Variants in ACIN1 observed in about 807,000 individuals in gnomAD.
ACIN1 encodes apoptotic chromatin condensation inducer 1.
ACIN1 carries 16 observed loss-of-function variants against 146.6 expected under a neutral mutation model. The ratio of observed to expected loss-of-function variants is 0.11; its 90% CI spans 0.07 to 0.17. The LOEUF (loss-of-function observed/expected upper bound fraction) is 0.17. ACIN1 is among the 10% of genes least tolerant of loss of function. The probability of loss-of-function intolerance (pLI) is 1.00; values close to 1 mark genes in which losing one functional copy is unlikely to be tolerated. For missense variants in ACIN1, 1,357 were observed against 1,609.3 expected (o/e 0.84, Z 2.68); for synonymous variants, 569 against 582.7 (o/e 0.98, Z 0.34).
rs551704276 is a variant in ACIN1, at chr14:23,095,126, C to T, written c.-14G>A. ...CAGCTCCGCCATCTTGCGTGAGGTACTCGGGTCCGTCCCGACGGCTTCGGG... is the reference window on the plus strand; with the variant it reads ...CAGCTCCGCCATCTTGCGTGAGGTATTCGGGTCCGTCCCGACGGCTTCGGG... On this transcript the variant is annotated 5_prime_UTR_variant, in exon 1 of 19. Transcript: ENST00000605057. 10 of 1,614,166 alleles carry T rather than the reference C, an allele frequency of 6.2e-6. No homozygotes were observed. In the African/African-American group the frequency reaches 8.0e-5, roughly 13 times the overall value.
Position 23,068,526 on chromosome 14 carries a change from C to G in ACIN1, c.2265+950G>C. ...ATCACAGGAGCCCATATACATGCCC[C>G]CCTCTGGCCAAGACACCTGGATAGC... On this transcript the variant is annotated intron_variant, in intron 9 of 18. Transcript: ENST00000605057. The surrounding 1 kb of genome is among the most constrained non-coding windows in gnomAD (Gnocchi z 4.3). 1.0e-6 allele frequency: 1 copy of G among 985,926 alleles called. No individual in the cohort carries two copies. The highest frequency in any genetic ancestry group is 1.2e-6 in the Non-Finnish European group (1 of 829,966). The allele number at this position is 985,926 out of a possible 1,614,324, so 61.1% of individuals were successfully genotyped here.
In ACIN1 at chr14:23,059,302, C is replaced by G; in HGVS notation, c.3698G>C (p.Arg1233Thr). The G allele has an allele frequency of 1.9e-6, 3 of 1,601,578 alleles. No homozygotes were observed. ...CCTGTCCCGCTCCCTTTCTCTCTCT[C>G]TCTCCCTGTCCCTCTCCCGACTGTG... ...REHSRERDRE[R>T]ERERERDRGD... is the part of the protein sequence containing the mutation. Residue 1233 changes from arginine to threonine, a missense_variant, in exon 19 of 19, where the codon AGA (arginine) becomes ACA (threonine). Around this residue, in one of 4 missense-constraint regions of ACIN1, gnomAD observed 509 missense variants for 719.6 expected, o/e 0.71. Transcript: ENST00000605057.
intron 8 of ACIN1, 106 bp from the exon 9 acceptor site, chr14:23,069,723 CTT>C: frequency 9.2e-7 from 1 of 1,084,390 alleles, no homozygotes; most frequent in South Asian, 1.6e-5. Context: ...TGCCTCATCA[CTT>C]GGGTGGGATT....
rs2047529036 is a variant in ACIN1 at position 23,068,585 on chromosome 14, C to T, written c.2265+891G>A. The T allele has an allele frequency of 2.5e-5, 25 of 985,782 alleles. No homozygotes were observed. Among genetic ancestry groups the T allele is most frequent in the Non-Finnish European group, 2.7e-5 (22 of 829,984 alleles). The allele number at this position is 985,782 out of a possible 1,614,324, so 61.1% of individuals were successfully genotyped here. A position where few individuals can be genotyped will look rare whatever the true frequency, so the allele number is the denominator to read the frequency against. On this transcript the variant is annotated intron_variant, in intron 9 of 18. Transcript: ENST00000605057. This position sits in a 1 kb window ranked among gnomAD's most constrained non-coding sequence, Gnocchi z 4.3. ...CTCTGATTGGGCAGCTCAGTAGCAG[C>T]GGGTGGGTCCAGAGGAAGAGGCGGC...
At position 23,064,482 on chromosome 14, in the gene ACIN1, G is replaced by A. The variant is rs2047386771; in HGVS notation, c.2315C>T (p.Thr772Ile). 2.5e-6 allele frequency: 4 copies of A among 1,614,016 alleles called. No homozygotes were observed. Among genetic ancestry groups the A allele is most frequent in the Non-Finnish European group, 2.5e-6 (3 of 1,180,004 alleles). ...ACTGTTTCCAGCTGGCACCCCCTTGGTAGCTGCTGTCCCCAAGAAATAGAC... is the reference window on the plus strand; with the variant it reads ...ACTGTTTCCAGCTGGCACCCCCTTGATAGCTGCTGTCCCCAAGAAATAGAC... ...FKRKISVVSATKGVPAGNSDT... is the reference protein window; with the variant it reads ...FKRKISVVSAIKGVPAGNSDT... Residue 772 changes from threonine (T) to isoleucine (I), a missense_variant, in exon 11 of 19, where the codon ACC becomes ATC. Around this residue, in one of 4 missense-constraint regions of ACIN1, gnomAD observed 509 missense variants for 719.6 expected, o/e 0.71. Coordinates refer to ENST00000605057, the MANE Select transcript of ACIN1 (RefSeq NM_001386863.1).
rs916783364 is a variant in ACIN1 at position 23,061,434 on chromosome 14, C to T, written c.3288G>A (p.Glu1096=). 4 of 1,613,762 alleles carry T rather than the reference C, an allele frequency of 2.5e-6. No individual in the cohort carries two copies. The highest frequency in any genetic ancestry group is 1.3e-5 in the African/African-American group (1 of 74,810). Residue 1096 remains glutamate, a synonymous_variant, in exon 17 of 19, where the codon GAG becomes GAA. Coordinates refer to ENST00000605057, the MANE Select transcript of ACIN1 (RefSeq NM_001386863.1). The part of the protein sequence containing the change: ...EQWAEREREM[E]RRERTRSERE... ...GCTCTGATCGAGTCCGCTCCCGCCG[C>T]TCCATTTCCCGTTCCCGTTCTGCCC...
upstream of ACIN1, chr14:23,095,162 A>T: frequency 6.2e-7 from 1 of 1,614,086 alleles, no homozygotes; most frequent in South Asian, 1.1e-5. Context: ...CATCTTCGGT[A>T]ATTTCCGCCA....
rs766957651 is a variant in ACIN1, at chr14:23,061,348, C to T, written c.3374G>A (p.Arg1125His). The T allele has an allele frequency of 2.2e-5, 36 of 1,614,028 alleles. No individual in the cohort carries two copies. Among genetic ancestry groups the T allele is most frequent in the Admixed American group, 5.0e-5 (3 of 60,010 alleles). ...AGACTTCGCACGTTCCTTGCGGCGGCGGTCACGGGACCTTGATCGGGAACG... is the reference window on the plus strand; with the variant it reads ...AGACTTCGCACGTTCCTTGCGGCGGTGGTCACGGGACCTTGATCGGGAACG... The part of the protein sequence containing the change: ...GPRSRSRSRD[R>H]RRKERAKSKE... Residue 1125 changes from arginine (R) to histidine (H), a missense_variant, in exon 17 of 19, where the codon CGC becomes CAC. By Grantham distance (29) the Arg-to-His change is conservative. Coordinates refer to ENST00000605057, the MANE Select transcript of ACIN1 (RefSeq NM_001386863.1).
At chr14:23,071,094 A>G (rs1244147656) in intron 8 of ACIN1, 1 of 1,545,482 alleles carries the variant, frequency 6.5e-7, no homozygotes, top group East Asian at 2.4e-5. Flanking sequence ...GCGGCGGGGA[A>G]AAGGCATACA....
Position 23,062,996 on chromosome 14 carries a change from A to C in ACIN1, c.2816T>G (p.Val939Gly). Reference sequence around the variant, plus strand: ...TGGGGAGGGCACCTGGGCAGTTCGGACTGGGTCATCAATGGTAATGGAAAC... The same window carrying C: ...TGGGGAGGGCACCTGGGCAGTTCGGCCTGGGTCATCAATGGTAATGGAAAC... ...SGVSITIDDP[V>G]RTAQVPSPPR... Residue 939 changes from valine (V) to glycine (G), a missense_variant, in exon 14 of 19, where the codon GTC becomes GGC. Transcript: ENST00000605057. 6.2e-7 allele frequency: 1 copy of C among 1,613,988 alleles called. No individual in the cohort carries two copies.
intron 9 of ACIN1, 179 bp downstream of exon 9, chr14:23,069,297 C>G: frequency 7.6e-7 from 1 of 1,308,004 alleles, no homozygotes; most frequent in Non-Finnish European, 9.7e-7. Flanking sequence ...CTGTCCCCGT[C>G]ACAAGGGGTC....
In ACIN1 at chr14:23,094,889, C is replaced by A. The variant is rs991609586; in HGVS notation, c.138+86G>T. ...GCGGCCTGAGCGAGCTCGCGCCGAGCCCGGATACTGCGCCTGCGCCGCGGC... is the reference window on the plus strand; with the variant it reads ...GCGGCCTGAGCGAGCTCGCGCCGAGACCGGATACTGCGCCTGCGCCGCGGC... On this transcript the variant is annotated intron_variant, in intron 1 of 18. Coordinates refer to ENST00000605057, the MANE Select transcript of ACIN1 (RefSeq NM_001386863.1). 46 of 1,494,440 alleles carry A rather than the reference C, an allele frequency of 3.1e-5. No homozygotes were observed. The African/African-American group carries it at 6.3e-4, about 20-fold the overall frequency. The allele number at this position is 1,494,440 out of a possible 1,614,324, so 92.6% of individuals were successfully genotyped here.
Position 23,073,825 on chromosome 14 carries a change from G to A in ACIN1, c.2124-4208C>T, listed in dbSNP as rs938972557. ...GAAGTGGCTGATTTTGAGAAATTTT[G>A]TTATTGAAAATTCCTTTTTTTTTTT... On this transcript the variant is annotated intron_variant, in intron 8 of 18. Coordinates refer to ENST00000605057, the MANE Select transcript of ACIN1 (RefSeq NM_001386863.1). Among the ~76,000 whole-genome samples the A allele has an allele frequency of 2.6e-4, 38 of 148,906 alleles. No homozygotes were observed. The South Asian group carries it at 6.2e-3, about 24-fold the overall frequency.
Position 23,059,297 on chromosome 14 carries a change from T to C in ACIN1, c.3703A>G (p.Arg1235Gly), listed in dbSNP as rs971475742. Residue 1235 changes from arginine (R) to glycine (G), a missense_variant, in exon 19 of 19, where the codon AGA becomes GGA. Arg to Gly is a moderately radical substitution (Grantham distance 125, BLOSUM62 -2). Transcript: ENST00000605057. ...TCCCCCCTGTCCCGCTCCCTTTCTC[T>C]CTCTCTCTCCCTGTCCCTCTCCCGA... ...HSRERDRERE[R>G]ERERDRGDRD... 1.9e-6 allele frequency: 3 copies of C among 1,601,382 alleles called. No homozygotes were observed. In the Admixed American group the frequency reaches 5.0e-5, roughly 27 times the overall value.
intron 8 of ACIN1, chr14:23,071,236 AT>A (rs1343100656): frequency 2.0e-6 from 3 of 1,517,652 alleles, no homozygotes; most frequent in Non-Finnish European, 2.6e-6. Flanking sequence ...CCTAAAAAAA[AT>A]AAAGAAAAAA....
chr14:23,092,368 T>C (rs1013389996), intron 2 of ACIN1, among the ~76,000 whole-genome samples: 1 of 90,334 alleles, frequency 1.1e-5, no homozygotes, highest in African/African-American at 2.8e-5. Context: ...GCATGTTTGC[T>C]GCACAAACCC....
chr14:23,069,663 C>T lies in ACIN1; in HGVS notation c.2124-46G>A, dbSNP rs764465847. On this transcript the variant is annotated intron_variant, in intron 8 of 18. Coordinates refer to ENST00000605057, the MANE Select transcript of ACIN1 (RefSeq NM_001386863.1). ...TGGTGGGGGGGCGGGCAGAAAAGAACCAAGGGGAAGAGAGAGCAAGATGTT... is the reference window on the plus strand; with the variant it reads ...TGGTGGGGGGGCGGGCAGAAAAGAATCAAGGGGAAGAGAGAGCAAGATGTT... 1.9e-6 allele frequency: 3 copies of T among 1,550,234 alleles called. No individual in the cohort carries two copies. The South Asian group carries it at 3.5e-5, about 18-fold the overall frequency.
At chr14:23,062,778 G>T in intron 14 of ACIN1, 151 bp downstream of exon 14, 1 of 1,036,344 alleles carries the variant, frequency 9.6e-7, no homozygotes, top group Non-Finnish European at 1.4e-6. Context: ...ATTTTTAGAT[G>T]GGTAAATATG....
At chr14:23,090,261 A>G (rs1017740663) in intron 3 of ACIN1, among the ~76,000 whole-genome samples, 160 bp from the exon 4 acceptor site, 18 of 152,240 alleles carry the variant, frequency 1.2e-4, no homozygotes, top group African/African-American at 4.3e-4. Flanking sequence ...ATTCAGCTCT[A>G]CTTCATCTAA....
Sources: gnomAD v4.1 joint callset for allele counts (sites outside exome capture counted in the v4.1 genomes callset) on GRCh38, gnomAD v4.1.1 for gene constraint, gnomAD v4.1.1 regional missense constraint, Gnocchi (gnomAD v3.1) non-coding constraint, MANE v1.5 for transcripts, NCBI Gene and HGNC (gene_info 2026-07-23, HGNC 2026-07-21) for gene names.